The following PER2 variants were observed in gnomAD, a reference collection of about 807,000 sequenced individuals.
PER2 encodes period circadian protein homolog 2.
In PER2, 66 loss-of-function variants were observed where a neutral mutation model predicts 121.0. That is an observed-to-expected ratio of 0.55 (90% confidence interval 0.45 to 0.67). The LOEUF is 0.67. Ranked by LOEUF, PER2 falls within the 30% of genes least tolerant of loss-of-function variation. The probability of loss-of-function intolerance (pLI) is 0.00; values close to 1 mark genes in which losing one functional copy is unlikely to be tolerated. For synonymous variants in PER2, 684 were observed against 659.9 expected (o/e 1.04, Z -0.56); for missense variants, 1,521 against 1,635.0 (o/e 0.93, Z 1.20).
intron 18 of PER2, among the ~76,000 whole-genome samples, chr2:238,254,501 T>C (rs1014450709): frequency 1.3e-5 from 2 of 152,222 alleles, no homozygotes; most frequent in Non-Finnish European, 2.9e-5. Flanking sequence ...CAAACTCCTA[T>C]GTAAATGGAG....
rs757784043 is a variant in PER2 at position 238,246,368 on chromosome 2, G to A, written c.*7C>T. 6 of 1,595,324 alleles carry A rather than the reference G, an allele frequency of 3.8e-6. No individual in the cohort carries two copies. Among genetic ancestry groups the A allele is most frequent in the Admixed American group, 1.7e-5 (1 of 58,016 alleles). On this transcript the variant is annotated 3_prime_UTR_variant, in exon 23 of 23. Transcript: ENST00000254657. ...TCGCTGGCTGCCGGGCTGAGGTGGGGCAGGGGTTACGTCTGCTCTTCGATC... is the reference window on the plus strand; with the variant it reads ...TCGCTGGCTGCCGGGCTGAGGTGGGACAGGGGTTACGTCTGCTCTTCGATC...
In PER2 at chr2:238,245,464, C is replaced by T. The variant is rs1399547123; in HGVS notation, c.*911G>A. 5.0e-6 allele frequency: 2 copies of T among 397,732 alleles called. No individual in the cohort carries two copies. The highest frequency in any genetic ancestry group is 8.9e-6 in the Non-Finnish European group (2 of 225,752). The allele number at this position is 397,732 out of a possible 1,614,324, so 24.6% of individuals were successfully genotyped here. On this transcript the variant is annotated 3_prime_UTR_variant, in exon 23 of 23. Transcript: ENST00000254657. ...TCTCGGCCAGGAGATGTGATGTGGG[C>T]TTGGCTGGGTGGAAGCAGATGTCTG... is the stretch of plus-strand genomic sequence containing the variant.
At chr2:238,269,977 G>A (rs1696235107) in intron 6 of PER2, among the ~76,000 whole-genome samples, 1 of 152,256 alleles carries the variant, frequency 6.6e-6, no homozygotes, top group South Asian at 2.1e-4. Flanking sequence ...CGGTGTGCCA[G>A]TCCCACAGAA....
chr2:238,259,638 C>T (rs542913397), intron 14 of PER2, among the ~76,000 whole-genome samples: 3 of 152,240 alleles, frequency 2.0e-5, no homozygotes, highest in East Asian at 1.9e-4. Flanking sequence ...CGGCCCAGGC[C>T]GTGGCTCCCA....
At chr2:238,299,351 C>T in the PER2 span, 2 of 151,814 alleles carry the variant, frequency 1.3e-5, no homozygotes, top group African/African-American at 4.8e-5. Context: ...ACCAGCCTGG[C>T]TAACATGGGC....
At position 238,268,861 on chromosome 2, in the gene PER2, C is replaced by T. The variant is rs1367905589; in HGVS notation, c.824+62G>A. 1 of 1,208,268 alleles carries T rather than the reference C, an allele frequency of 8.3e-7. No homozygotes were observed. Among genetic ancestry groups the T allele is most frequent in the African/African-American group, 1.5e-5 (1 of 67,070 alleles). 74.8% of individuals were successfully genotyped at this position (1,208,268 alleles called of 1,614,324 possible). A position where few individuals can be genotyped will look rare whatever the true frequency, so the allele number is the denominator to read the frequency against. On this transcript the variant is annotated intron_variant, in intron 7 of 22. Transcript: ENST00000254657. This position sits in a 1 kb window ranked among gnomAD's most constrained non-coding sequence, Gnocchi z 4.0. ...TCACGCCCCCCAGCCTCAAGCGGAG[C>T]AGTGCTGGGGTGAAATGTTTATACG...
chr2:238,261,514 C>T (rs932929868), intron 12 of PER2: 6 of 605,778 alleles, frequency 9.9e-6, no homozygotes, highest in South Asian at 5.4e-5. Flanking sequence ...GCAGTTCAGA[C>T]AAGGTCGAAT....
upstream of PER2, among the ~76,000 whole-genome samples, chr2:238,294,636 TC>T (rs1280249921): frequency 1.3e-5 from 2 of 152,304 alleles, no homozygotes; most frequent in Non-Finnish European, 2.9e-5. Flanking sequence ...CAAAAGACAT[TC>T]TCAACACCAC....
intron 1 of PER2, among the ~76,000 whole-genome samples, chr2:238,282,291 G>A (rs1460612848): frequency 6.6e-6 from 1 of 152,124 alleles, no homozygotes; most frequent in Non-Finnish European, 1.5e-5. Context: ...TGCATGAACA[G>A]CACCGTCTCC....
chr2:238,262,244 G>A lies in PER2; in HGVS notation c.1254C>T (p.Ile418=), dbSNP rs1479342566. The change falls in exon 11 of 23, where the codon ATC becomes ATT. Residue 418 remains isoleucine, a synonymous_variant. Coordinates refer to ENST00000254657, the MANE Select transcript of PER2 (RefSeq NM_022817.3). The part of the protein sequence containing the change: ...ITLDTSWSSF[I]NPWSRKISFI... ...AGGAGATTTTCCTGCTCCATGGGTTGATGAAGCTGGACCAGCTGGTGTCCA... is the reference window on the plus strand; with the variant it reads ...AGGAGATTTTCCTGCTCCATGGGTTAATGAAGCTGGACCAGCTGGTGTCCA... 6.2e-7 allele frequency: 1 copy of A among 1,613,876 alleles called. No individual in the cohort carries two copies. The highest frequency in any genetic ancestry group is 8.5e-7 in the Non-Finnish European group (1 of 1,179,912).
intron 6 of PER2, 71 bp from the exon 7 acceptor site, chr2:238,269,045 C>T (rs116298301): frequency 0.025 from 29,522 of 1,178,078 alleles, 435 homozygotes; most frequent in Non-Finnish European, 0.03. Flanking sequence ...TTCTCACAAA[C>T]AAAAGAGGAG....
chr2:238,258,434 C>A (rs1052352615), intron 15 of PER2, 34 bp from the exon 16 acceptor site: 49 of 1,614,040 alleles, frequency 3.0e-5, no homozygotes, highest in Non-Finnish European at 3.9e-5. Flanking sequence ...GGTGAGGCCA[C>A]ACAACATGAG....
At chr2:238,279,015 G>A (rs992853290) in intron 1 of PER2, among the ~76,000 whole-genome samples, 12 of 151,998 alleles carry the variant, frequency 7.9e-5, no homozygotes, top group Admixed American at 2.6e-4. Context: ...ACAGACCAGC[G>A]ATCATCCTGG....
At position 238,253,320 on chromosome 2, in the gene PER2, C is replaced by A. The variant is rs575531966; in HGVS notation, c.2703G>T (p.Ala901=). 1.9e-6 allele frequency: 3 copies of A among 1,613,330 alleles called. No individual in the cohort carries two copies. Among genetic ancestry groups the A allele is most frequent in the African/African-American group, 2.7e-5 (2 of 74,840 alleles). The change falls in exon 19 of 23, where the codon GCG becomes GCT. Residue 901 remains alanine (A), a synonymous_variant. Transcript: ENST00000254657. This position sits in a 1 kb window ranked among gnomAD's most constrained non-coding sequence, Gnocchi z 5.6. ...VQPPPFPAPL[A]PVMAFMLPSY... ...TGGGTAGCATGAATGCCATGACAGG[C>A]GCCAAAGGGGCAGGGAAAGGTGGGG...
At chr2:238,285,830 G>A (rs971500618) in intron 1 of PER2, among the ~76,000 whole-genome samples, 1 of 123,372 alleles carries the variant, frequency 8.1e-6, no homozygotes, top group Non-Finnish European at 1.9e-5. Flanking sequence ...AGCATGTACT[G>A]TCTCTGCAAG....
chr2:238,292,154 A>G (rs1696960150), upstream of PER2, among the ~76,000 whole-genome samples: 1 of 152,162 alleles, frequency 6.6e-6, no homozygotes, highest in Non-Finnish European at 1.5e-5. Context: ...CAAGACTGAG[A>G]TCCTATCTTT....
chr2:238,292,734 C>A (rs906562286), upstream of PER2, among the ~76,000 whole-genome samples: 50 of 148,254 alleles, frequency 3.4e-4, no homozygotes, highest in African/African-American at 1.2e-3. Context: ...TTTTCTTTTT[C>A]TTTCTCTTTT....
Position 238,246,420 on chromosome 2 carries a change from G to T in PER2, c.3723C>A (p.Asp1241Glu). Residue 1241 changes from aspartate (D) to glutamate (E), a missense_variant, in exon 23 of 23, where the codon GAC (aspartate) becomes GAA (glutamate). Coordinates refer to ENST00000254657, the MANE Select transcript of PER2 (RefSeq NM_022817.3). ...GLSEVSDTKEDENGSPLNHRI... is the reference protein window; with the variant it reads ...GLSEVSDTKEEENGSPLNHRI... ...TGTGATTCAAGGGGGATCCATTTTC[G>T]TCTTCTTTGGTGTCCGACACTTCGC... 6.2e-7 allele frequency: 1 copy of T among 1,612,588 alleles called. No homozygotes were observed. Among genetic ancestry groups the T allele is most frequent in the Non-Finnish European group, 8.5e-7 (1 of 1,179,044 alleles).
chr2:238,265,464 G>C (rs771201935), intron 9 of PER2, 48 bp downstream of exon 9: 1 of 1,211,510 alleles, frequency 8.3e-7, no homozygotes, highest in Non-Finnish European at 1.2e-6. Flanking sequence ...TGGCTAAATA[G>C]CTTTTATATC....
Sources: gnomAD v4.1 joint callset for allele counts (sites outside exome capture counted in the v4.1 genomes callset) on GRCh38, gnomAD v4.1.1 for gene constraint, Gnocchi (gnomAD v3.1) non-coding constraint, MANE v1.5 for transcripts, NCBI Gene and HGNC (gene_info 2026-07-23, HGNC 2026-07-21) for gene names.